The following BORCS5 variants were observed in gnomAD, a reference collection of about 807,000 sequenced individuals.
The protein encoded by BORCS5 is BLOC-1-related complex subunit 5.
Under a neutral mutation model 22.1 loss-of-function variants are expected in BORCS5, and 17 were observed. The observed-to-expected ratio is 0.77, with a 90% confidence interval of 0.53 to 1.15. The LOEUF is 1.15. Among genes scored for constraint, BORCS5 ranks in the 50% most tolerant of loss-of-function variants. The pLI is 0.00. For synonymous variants in BORCS5, 117 were observed against 99.8 expected (o/e 1.17, Z -1.03); for missense variants, 247 against 253.2 (o/e 0.98, Z 0.17).
Position 12,465,033 on chromosome 12 carries a change from A to C in BORCS5, c.361-513A>C, listed in dbSNP as rs377227431. 5.9e-5 allele frequency among the ~76,000 whole-genome samples: 9 copies of C among 152,218 alleles called. No homozygotes were observed. In the East Asian group the frequency reaches 1.4e-3, roughly 23 times the overall value. On this transcript the variant is annotated intron_variant, in intron 3 of 3. Coordinates refer to ENST00000314565, the MANE Select transcript of BORCS5 (RefSeq NM_058169.6). ...GTCGCCCAGGCTGGAGTGCAGTGGCATGATCATGGCTCACTGCAGCTTCGA... is the reference window on the plus strand; with the variant it reads ...GTCGCCCAGGCTGGAGTGCAGTGGCCTGATCATGGCTCACTGCAGCTTCGA...
At position 12,385,570 on chromosome 12, in the gene BORCS5, C is replaced by T. The variant is rs548713148; in HGVS notation, c.202+24221C>T. On this transcript the variant is annotated intron_variant, in intron 2 of 3. Transcript: ENST00000314565. ...TGTCACTCAGGCTAGAGTGCGGTGG[C>T]ACAATCTCGGCTCACTGCAACCTCC... Among the ~76,000 whole-genome samples, 293 of 150,254 alleles carry T rather than the reference C, an allele frequency of 2.0e-3. 7 individuals carry two copies. The highest frequency in any genetic ancestry group is 6.9e-3 in the African/African-American group (280 of 40,684).
rs1272693990 is a variant in BORCS5 at position 12,468,957 on chromosome 12, A to T, written c.*3181A>T. ...TGATAACATCCTTAAAATATGAAAT[A>T]TATTTTGAACCTAGATACCTACCCA... On this transcript the variant is annotated 3_prime_UTR_variant, in exon 4 of 4. Coordinates refer to ENST00000314565, the MANE Select transcript of BORCS5 (RefSeq NM_058169.6). 1 of 152,226 alleles carries T rather than the reference A, an allele frequency of 6.6e-6. No homozygotes were observed. The highest frequency in any genetic ancestry group is 6.5e-5 in the Admixed American group (1 of 15,286). The allele number at this position is 152,226 out of a possible 1,614,324, so 9.4% of individuals were successfully genotyped here.
At chr12:12,452,045 G>A in intron 3 of BORCS5, 1 of 385,290 alleles carries the variant, frequency 2.6e-6, no homozygotes, top group South Asian at 2.4e-5. Flanking sequence ...CTCTATTTTT[G>A]GTAAACTTAC....
At chr12:12,407,247 T>G (rs1280985515) in intron 2 of BORCS5, among the ~76,000 whole-genome samples, 1 of 152,210 alleles carries the variant, frequency 6.6e-6, no homozygotes, top group African/African-American at 2.4e-5. Flanking sequence ...TTCATCCCCC[T>G]TCCCTTACAA....
chr12:12,357,284 C>T lies in BORCS5; in HGVS notation c.-168C>T. The T allele has an allele frequency of 6.9e-7, 1 of 1,456,608 alleles. No homozygotes were observed. The highest frequency in any genetic ancestry group is 9.0e-7 in the Non-Finnish European group (1 of 1,105,066). The allele number at this position is 1,456,608 out of a possible 1,614,324, so 90.2% of individuals were successfully genotyped here. A position where few individuals can be genotyped will look rare whatever the true frequency, so the allele number is the denominator to read the frequency against. The stretch of plus-strand genomic sequence containing the variant: ...TAGGGCCTCTCCTTCTCCCGCCGCC[C>T]AGGCCCCTGCGTGGGCTGGACGCGT... On this transcript the variant is annotated 5_prime_UTR_variant, in exon 1 of 4. Coordinates refer to ENST00000314565, the MANE Select transcript of BORCS5 (RefSeq NM_058169.6).
chr12:12,378,214 A>G (rs1863697396), intron 2 of BORCS5, among the ~76,000 whole-genome samples: 1 of 152,204 alleles, frequency 6.6e-6, no homozygotes, highest in South Asian at 2.1e-4. Flanking sequence ...TCTACTAAAA[A>G]TACAAAAAGT....
intron 3 of BORCS5, among the ~76,000 whole-genome samples, chr12:12,440,661 C>A (rs1054817429): frequency 6.7e-6 from 1 of 148,670 alleles, no homozygotes; most frequent in African/African-American, 2.5e-5. Context: ...GGCATTGCTG[C>A]AGGGGAACAG....
intron 3 of BORCS5, among the ~76,000 whole-genome samples, chr12:12,438,127 T>C (rs1230635534): frequency 6.6e-6 from 1 of 152,016 alleles, no homozygotes; most frequent in Non-Finnish European, 1.5e-5. Context: ...GGCTTTTTGA[T>C]GCTTATTCTT....
In BORCS5 at chr12:12,357,522, A is replaced by ACCTC; in HGVS notation, c.58+16_58+19dup. 1 of 1,598,850 alleles carries ACCTC rather than the reference A, an allele frequency of 6.3e-7. No individual in the cohort carries two copies. Among genetic ancestry groups the ACCTC allele is most frequent in the South Asian group, 1.1e-5 (1 of 90,316 alleles). Reference sequence around the variant, plus strand: ...CTGAACTCCTCAGGTCGGTGTCCTAACCTCCCACCCTCCTCCAGCCCGCCC... The same window carrying ACCTC: ...CTGAACTCCTCAGGTCGGTGTCCTAACCTCCCTCCCACCCTCCTCCAGCCCGCCC... On this transcript the variant is annotated intron_variant, in intron 1 of 3. Transcript: ENST00000314565.
intron 2 of BORCS5, among the ~76,000 whole-genome samples, chr12:12,381,690 T>A (rs899980113): frequency 1.3e-5 from 2 of 151,532 alleles, no homozygotes; most frequent in African/African-American, 4.8e-5. Context: ...AGGTCTGCGA[T>A]CCATTTTGAC....
rs533669138 is a variant in BORCS5, at chr12:12,424,520, A to T, written c.203-11108A>T. On this transcript the variant is annotated intron_variant, in intron 2 of 3. Coordinates refer to ENST00000314565, the MANE Select transcript of BORCS5 (RefSeq NM_058169.6). ...AAAGTCTTTGTCTAGTGGATTTGCC[A>T]TTGTCTTTTTTCAGGGACAGTATCT... is the stretch of plus-strand genomic sequence containing the variant. Among the ~76,000 whole-genome samples the T allele has an allele frequency of 2.5e-4, 38 of 151,102 alleles. No homozygotes were observed. The South Asian group carries it at 7.9e-3, about 32-fold the overall frequency.
Position 12,470,299 on chromosome 12 carries a change from A to C in BORCS5, c.*4523A>C, listed in dbSNP as rs969757015. ...TGGCCAGGCAGGTCTCAAACTCCTG[A>C]CCTCGTGATCTGCCCGACTTGGCCT... is the stretch of plus-strand genomic sequence containing the variant. On this transcript the variant is annotated 3_prime_UTR_variant, in exon 4 of 4. Coordinates refer to ENST00000314565, the MANE Select transcript of BORCS5 (RefSeq NM_058169.6). Among the ~76,000 whole-genome samples the C allele has an allele frequency of 1.3e-5, 2 of 152,024 alleles. No homozygotes were observed. Among genetic ancestry groups the C allele is most frequent in the Non-Finnish European group, 2.9e-5 (2 of 68,006 alleles).
chr12:12,392,997 G>T (rs967216789), intron 2 of BORCS5, among the ~76,000 whole-genome samples: 3 of 152,094 alleles, frequency 2.0e-5, no homozygotes, highest in African/African-American at 7.3e-5. Context: ...ACTTTAGGAG[G>T]CTGAGGTGGG....
At chr12:12,461,500 T>C (rs1943104448) in intron 3 of BORCS5, among the ~76,000 whole-genome samples, 1 of 152,126 alleles carries the variant, frequency 6.6e-6, no homozygotes. Flanking sequence ...TATAAGATTA[T>C]ATTAACTAGT....
intron 2 of BORCS5, among the ~76,000 whole-genome samples, chr12:12,411,303 C>T (rs538929828): frequency 6.6e-6 from 1 of 152,060 alleles, no homozygotes; most frequent in African/African-American, 2.4e-5. Flanking sequence ...GTCTTGTGCC[C>T]GTTTTCAAAG....
intron 2 of BORCS5, among the ~76,000 whole-genome samples, chr12:12,379,042 C>T (rs1863717663): frequency 6.6e-6 from 1 of 151,310 alleles, no homozygotes; most frequent in South Asian, 2.1e-4. Context: ...AGGCATGAGC[C>T]ATTGCACCCA....
chr12:12,364,000 T>G (rs147001627), intron 2 of BORCS5, among the ~76,000 whole-genome samples: 2 of 152,348 alleles, frequency 1.3e-5, no homozygotes, highest in African/African-American at 4.8e-5. Context: ...AACAGTTGAT[T>G]AACACATCTT....
chr12:12,443,107 CTG>C (rs974900885), intron 3 of BORCS5, among the ~76,000 whole-genome samples: 13 of 152,248 alleles, frequency 8.5e-5, no homozygotes, highest in Non-Finnish European at 1.5e-4. Flanking sequence ...CCAGGTGAAA[CTG>C]TTGCTATCGC....
In BORCS5 at chr12:12,418,993, A is replaced by G. The variant is rs538487730; in HGVS notation, c.203-16635A>G. 2.0e-3 allele frequency among the ~76,000 whole-genome samples: 305 copies of G among 152,038 alleles called. 1 individual carries two copies. The highest frequency in any genetic ancestry group is 3.7e-3 in the Non-Finnish European group (254 of 67,946). ...TTCTGTGTTGATTTTTTGCAGTGAA[A>G]CATTTATATTCCTTTCTCATTCCCT... On this transcript the variant is annotated intron_variant, in intron 2 of 3. Transcript: ENST00000314565.
Sources: gnomAD v4.1 joint callset for allele counts (sites outside exome capture counted in the v4.1 genomes callset) on GRCh38, gnomAD v4.1.1 for gene constraint, MANE v1.5 for transcripts, NCBI Gene and HGNC (gene_info 2026-07-23, HGNC 2026-07-21) for gene names.